The following DAPP1 variants were observed in gnomAD, a reference collection of about 807,000 sequenced individuals.
DAPP1 encodes dual adaptor of phosphotyrosine and 3-phosphoinositides 1, also known as dual adapter for phosphotyrosine and 3-phosphotyrosine and 3-phosphoinositide.
A neutral mutation model predicts 41.5 loss-of-function variants in DAPP1; 20 were observed. The ratio of observed to expected loss-of-function variants is 0.48; its 90% CI spans 0.34 to 0.70. The LOEUF (loss-of-function observed/expected upper bound fraction) is 0.70, where lower values mean the gene tolerates loss of function less well. Ranked by LOEUF, DAPP1 falls within the 30% of genes least tolerant of loss-of-function variation. The pLI is 0.01. For missense variants in DAPP1, 233 were observed against 333.4 expected, an observed-to-expected ratio of 0.70 and a Z score of 2.35; for synonymous variants, 113 against 116.2, an observed-to-expected ratio of 0.97 and a Z score of 0.18.
Position 99,866,131 on chromosome 4 carries a change from T to A in DAPP1, c.774+10T>A. ...ATTACGCTGGAAATTGGTGAGAATTTTTAAGCCTTCAGATGTCAAGTCTTG... is the reference window on the plus strand; with the variant it reads ...ATTACGCTGGAAATTGGTGAGAATTATTAAGCCTTCAGATGTCAAGTCTTG... On this transcript the variant is annotated intron_variant, in intron 8 of 8. Transcript: ENST00000512369. The A allele has an allele frequency of 6.6e-7, 1 of 1,517,834 alleles. No individual in the cohort carries two copies. The allele number at this position is 1,517,834 out of a possible 1,614,324, so 94.0% of individuals were successfully genotyped here.
downstream of DAPP1, among the ~76,000 whole-genome samples, chr4:99,871,516 T>A (rs1724627635): frequency 6.6e-6 from 1 of 152,224 alleles, no homozygotes; most frequent in Non-Finnish European, 1.5e-5. Context: ...TCCCAGTTTA[T>A]TATTATCAGA....
chr4:99,821,471 T>C (rs1307660452), intron 1 of DAPP1, among the ~76,000 whole-genome samples: 3 of 152,256 alleles, frequency 2.0e-5, no homozygotes, highest in Non-Finnish European at 2.9e-5. Context: ...TTAGTAATTA[T>C]TGGATGCTTA....
intron 1 of DAPP1, among the ~76,000 whole-genome samples, chr4:99,821,917 A>C (rs1487103850): frequency 6.6e-6 from 1 of 152,240 alleles, no homozygotes; most frequent in Non-Finnish European, 1.5e-5. Flanking sequence ...TGTAGAATTC[A>C]TTTTCAGGAC....
chr4:99,863,147 T>G (rs1244141560), intron 6 of DAPP1, 75 bp downstream of exon 6: 1 of 902,206 alleles, frequency 1.1e-6, no homozygotes, highest in Non-Finnish European at 1.6e-6. Flanking sequence ...CTTTAAAATC[T>G]CTGAAATTAT....
chr4:99,816,837 G>T lies in DAPP1; in HGVS notation c.-77G>T, dbSNP rs1196516409. On this transcript the variant is annotated 5_prime_UTR_variant, in exon 1 of 9. Coordinates refer to ENST00000512369, the MANE Select transcript of DAPP1 (RefSeq NM_014395.3). ...CCTTGGAGACTCAGAGCCATAGCAG[G>T]CTGCTGTCTCACAGAGCGAGAAGGT... is the stretch of plus-strand genomic sequence containing the variant. 5 of 1,297,628 alleles carry T rather than the reference G, an allele frequency of 3.9e-6. No individual in the cohort carries two copies. The highest frequency in any genetic ancestry group is 2.6e-5 in the East Asian group (1 of 38,462). 80.4% of individuals were successfully genotyped at this position (1,297,628 alleles called of 1,614,324 possible). A position where few individuals can be genotyped will look rare whatever the true frequency, so the allele number is the denominator to read the frequency against.
intron 4 of DAPP1, among the ~76,000 whole-genome samples, chr4:99,855,693 G>A (rs1458556258): frequency 6.6e-6 from 1 of 152,186 alleles, no homozygotes; most frequent in Non-Finnish European, 1.5e-5. Flanking sequence ...TTGGTGACTG[G>A]ACCAGTATAG....
At chr4:99,857,696 GTA>G (rs202164931) in intron 4 of DAPP1, among the ~76,000 whole-genome samples, 147 of 129,130 alleles carry the variant, frequency 1.1e-3, no homozygotes, top group Admixed American at 1.3e-3. Context: ...GTATATGTAT[GTA>G]TATACACACA....
chr4:99,859,915 C>T (rs1305401146), intron 4 of DAPP1, among the ~76,000 whole-genome samples: 1 of 152,194 alleles, frequency 6.6e-6, no homozygotes, highest in Non-Finnish European at 1.5e-5. Context: ...CCTACTTGGG[C>T]TCCACCACCC....
intron 6 of DAPP1, 118 bp downstream of exon 6, chr4:99,863,190 T>G (rs1165533032): frequency 1.6e-6 from 1 of 628,650 alleles, no homozygotes; most frequent in Non-Finnish European, 2.7e-6. Flanking sequence ...TAATAAATGA[T>G]TGGAGATATG....
Position 99,868,344 on chromosome 4 carries a change from A to G in DAPP1, c.*159A>G. On this transcript the variant is annotated 3_prime_UTR_variant, in exon 9 of 9. Transcript: ENST00000512369. ...TTGGGACCCATATACCACGTTGCTG[A>G]CTCACGTTGCTGCCCTTCCATGATG... The G allele has an allele frequency of 3.1e-6, 2 of 643,026 alleles. No homozygotes were observed. The highest frequency in any genetic ancestry group is 2.7e-5 in the East Asian group (1 of 36,378). The allele number at this position is 643,026 out of a possible 1,614,324, so 39.8% of individuals were successfully genotyped here. A position where few individuals can be genotyped will look rare whatever the true frequency, so the allele number is the denominator to read the frequency against.
Position 99,845,094 on chromosome 4 carries a change from C to G in DAPP1, c.358+4672C>G, listed in dbSNP as rs191497177. ...TGTTTGCTAGGTTCCAGGCATTCAC[C>G]TACATCAACTTATTTCATCTCAGCC... is the stretch of plus-strand genomic sequence containing the variant. On this transcript the variant is annotated intron_variant, in intron 3 of 8. Transcript: ENST00000512369. Among the ~76,000 whole-genome samples, 27 of 152,310 alleles carry G rather than the reference C, an allele frequency of 1.8e-4. No homozygotes were observed. The East Asian group carries it at 3.9e-3, about 22-fold the overall frequency.
intron 1 of DAPP1, among the ~76,000 whole-genome samples, chr4:99,828,217 T>A (rs967934626): frequency 7.9e-5 from 12 of 152,226 alleles, no homozygotes; most frequent in African/African-American, 2.9e-4. Flanking sequence ...GTAGCAAAGC[T>A]TTGCACTGTG....
At chr4:99,850,016 A>G (rs1305679053) in intron 3 of DAPP1, among the ~76,000 whole-genome samples, 1 of 152,248 alleles carries the variant, frequency 6.6e-6, no homozygotes, top group African/African-American at 2.4e-5. Flanking sequence ...CCAGTTTTAG[A>G]CTAGTGAGAC....
intron 2 of DAPP1, 56 bp downstream of exon 2, chr4:99,835,801 C>G: frequency 3.2e-6 from 5 of 1,583,116 alleles, no homozygotes; most frequent in Non-Finnish European, 4.3e-6. Context: ...CACTTACTGA[C>G]TTTATCATCA....
In DAPP1 at chr4:99,869,933, A is replaced by C. The variant is rs950997307; in HGVS notation, c.*1748A>C. The C allele has an allele frequency of 4.0e-5, 6 of 151,644 alleles. No homozygotes were observed. Among genetic ancestry groups the C allele is most frequent in the South Asian group, 2.1e-4 (1 of 4,822 alleles). The allele number at this position is 151,644 out of a possible 1,614,324, so 9.4% of individuals were successfully genotyped here. A position where few individuals can be genotyped will look rare whatever the true frequency, so the allele number is the denominator to read the frequency against. On this transcript the variant is annotated 3_prime_UTR_variant, in exon 9 of 9. Coordinates refer to ENST00000512369, the MANE Select transcript of DAPP1 (RefSeq NM_014395.3). ...TGACAGAGTCAGACTCCGTCCCAAAAAAACAAACAAACAAAACAAAACAAA... is the reference window on the plus strand; with the variant it reads ...TGACAGAGTCAGACTCCGTCCCAAACAAACAAACAAACAAAACAAAACAAA...
At chr4:99,860,823 A>C (rs1457755414) in intron 4 of DAPP1, among the ~76,000 whole-genome samples, 2 of 152,240 alleles carry the variant, frequency 1.3e-5, no homozygotes, top group Admixed American at 1.3e-4. Flanking sequence ...AATTTATGAA[A>C]TGATAAATTT....
At chr4:99,821,515 C>T (rs1003476293) in intron 1 of DAPP1, among the ~76,000 whole-genome samples, 7 of 152,224 alleles carry the variant, frequency 4.6e-5, no homozygotes, top group Non-Finnish European at 7.3e-5. Flanking sequence ...GCCCTTTGCC[C>T]ATGTGAACTT....
At chr4:99,839,936 C>T (rs1723439009) in intron 2 of DAPP1, among the ~76,000 whole-genome samples, 1 of 152,214 alleles carries the variant, frequency 6.6e-6, no homozygotes, top group Non-Finnish European at 1.5e-5. Context: ...GTGGCAGACA[C>T]CTATAATCCC....
At position 99,862,999 on chromosome 4, in the gene DAPP1, GT is replaced by G; in HGVS notation, c.538-6del. 1 of 1,577,782 alleles carries G rather than the reference GT, an allele frequency of 6.3e-7. No individual in the cohort carries two copies. Among genetic ancestry groups the G allele is most frequent in the South Asian group, 1.2e-5 (1 of 84,192 alleles). On this transcript the variant is annotated splice_polypyrimidine_tract_variant and intron_variant, in intron 5 of 8. Transcript: ENST00000512369. Reference sequence around the variant, plus strand: ...TGTCTGTGTGTTTGTGTGTGTGTGTGTTTTTCTCAGACCTGGAAAACAAGAT... The same window carrying G: ...TGTCTGTGTGTTTGTGTGTGTGTGTGTTTTCTCAGACCTGGAAAACAAGAT...
Sources: allele counts gnomAD v4.1 joint callset (sites outside exome capture counted in the v4.1 genomes callset), GRCh38; gene constraint gnomAD v4.1.1; transcripts MANE v1.5; gene names NCBI Gene and HGNC (gene_info 2026-07-23, HGNC 2026-07-21).